Variants in EIF2B3 observed in about 807,000 individuals in gnomAD.
The protein encoded by EIF2B3 is eukaryotic translation initiation factor 2B subunit gamma.
In EIF2B3, 20 loss-of-function variants were observed where a neutral mutation model predicts 54.1. That is an observed-to-expected ratio of 0.37 (90% CI 0.26 to 0.54). The LOEUF is 0.54. EIF2B3 is among the 20% of genes least tolerant of loss of function. EIF2B3 has a pLI of 0.86. For missense variants in EIF2B3, 448 were observed against 547.8 expected (o/e 0.82, Z 1.82); for synonymous variants, 153 against 188.1 (o/e 0.81, Z 1.52).
intron 5 of EIF2B3, among the ~76,000 whole-genome samples, chr1:44,916,987 C>T (rs1465990386): frequency 6.6e-6 from 1 of 151,872 alleles, no homozygotes; most frequent in Non-Finnish European, 1.5e-5. Flanking sequence ...TTCTCGAGTT[C>T]CACTTGCTTT....
chr1:44,863,276 C>T (rs958533007), intron 10 of EIF2B3: 2 of 152,146 alleles, frequency 1.3e-5, no homozygotes, highest in Non-Finnish European at 2.9e-5. Context: ...GCTGAGTCAC[C>T]CATAATCTCT....
At chr1:44,853,747 T>G (rs1276475513) in intron 11 of EIF2B3, among the ~76,000 whole-genome samples, 2 of 152,088 alleles carry the variant, frequency 1.3e-5, no homozygotes, top group African/African-American at 4.8e-5. Flanking sequence ...GGATGATAAG[T>G]TGGGAAAATA....
chr1:44,877,208 A>AAAC (rs1557666527), intron 8 of EIF2B3, among the ~76,000 whole-genome samples: 10 of 148,380 alleles, frequency 6.7e-5, no homozygotes, highest in Admixed American at 4.0e-4. Flanking sequence ...AAAAAAAAAA[A>AAAC]AAAAAAAAAA....
intron 3 of EIF2B3, chr1:44,959,543 TA>T (rs1346776152): frequency 1.7e-5 from 3 of 177,142 alleles, no homozygotes; most frequent in Non-Finnish European, 2.4e-5. Context: ...ACCCTATTTC[TA>T]AAAAACGTAA....
chr1:44,942,444 T>TCC (rs763491473), intron 3 of EIF2B3, among the ~76,000 whole-genome samples: 1,314 of 88,600 alleles, frequency 0.015, 77 homozygotes, highest in Non-Finnish European at 0.023. Flanking sequence ...TTTTTTTTTT[T>TCC]CCAGACAGGG....
chr1:44,903,882 T>C (rs1419238128), intron 5 of EIF2B3, among the ~76,000 whole-genome samples: 2 of 152,162 alleles, frequency 1.3e-5, no homozygotes, highest in Non-Finnish European at 2.9e-5. Context: ...GAGACCAGCC[T>C]GGCCAACATG....
chr1:44,958,505 C>T (rs1009879512), intron 3 of EIF2B3: 91 of 1,017,346 alleles, frequency 8.9e-5, no homozygotes, highest in African/African-American at 1.9e-4. Context: ...ATGATTACTG[C>T]GTTTTTCTTT....
At chr1:44,970,173 A>G (rs1644385575) in intron 3 of EIF2B3, 1 of 152,232 alleles carries the variant, frequency 6.6e-6, no homozygotes, top group East Asian at 1.9e-4. Flanking sequence ...AAAAAACATA[A>G]CTTAGCAAAT....
chr1:44,881,403 AT>A lies in EIF2B3; in HGVS notation c.784+208del, dbSNP rs975960232. On this transcript the variant is annotated intron_variant, in intron 7 of 11. Coordinates refer to ENST00000360403, the MANE Select transcript of EIF2B3 (RefSeq NM_020365.5). This position sits in a 1 kb window ranked among gnomAD's most constrained non-coding sequence, Gnocchi z 4.0. The stretch of plus-strand genomic sequence containing the variant: ...ATCAGAGAATGGGGCTGGAGGCATG[AT>A]TAGCCTGTTGCCGAGAGCACAGTGG... Among the ~76,000 whole-genome samples the A allele has an allele frequency of 1.3e-5, 2 of 152,216 alleles. No homozygotes were observed. Among genetic ancestry groups the A allele is most frequent in the Non-Finnish European group, 2.9e-5 (2 of 68,028 alleles).
intron 3 of EIF2B3, among the ~76,000 whole-genome samples, chr1:44,977,794 T>C (rs182004483): frequency 4.8e-4 from 73 of 152,278 alleles, no homozygotes; most frequent in Admixed American, 5.9e-4. Context: ...TTAATAAAAA[T>C]GTGCTATTAC....
chr1:44,977,276 G>T (rs1644462064), intron 3 of EIF2B3, among the ~76,000 whole-genome samples: 1 of 152,128 alleles, frequency 6.6e-6, no homozygotes, highest in Non-Finnish European at 1.5e-5. Context: ...GTGCTCCTTA[G>T]TTTCTTAACC....
intron 3 of EIF2B3, among the ~76,000 whole-genome samples, chr1:44,952,954 C>T (rs1644183731): frequency 6.6e-6 from 1 of 152,204 alleles, no homozygotes; most frequent in Non-Finnish European, 1.5e-5. Flanking sequence ...TTGTTTTACT[C>T]ACTGTTCATC....
Position 44,922,277 on chromosome 1 carries a change from T to C in EIF2B3, c.566+4351A>G, listed in dbSNP as rs1467248645. 6.6e-5 allele frequency among the ~76,000 whole-genome samples: 10 copies of C among 151,316 alleles called. No individual in the cohort carries two copies. The East Asian group carries it at 2.0e-3, about 30-fold the overall frequency. ...GTGAAGAATGTCATTGGTATTTTGA[T>C]AGGGATTGCATAAAATCTATAGATT... On this transcript the variant is annotated intron_variant, in intron 5 of 11. Transcript: ENST00000360403.
At chr1:44,907,890 CAAAAAAAA>C (rs71587071) in intron 5 of EIF2B3, among the ~76,000 whole-genome samples, 1 of 47,070 alleles carries the variant, frequency 2.1e-5, no homozygotes, top group Non-Finnish European at 4.3e-5. Flanking sequence ...AACTCCATCT[CAAAAAAAA>C]AAAAAAAAAA....
At chr1:44,903,549 G>A (rs1302274754) in intron 5 of EIF2B3, among the ~76,000 whole-genome samples, 1 of 152,230 alleles carries the variant, frequency 6.6e-6, no homozygotes, top group Admixed American at 6.5e-5. Context: ...ATTGTACAAT[G>A]CTTAGTTCCT....
At chr1:44,889,503 C>T (rs1655724431) in intron 6 of EIF2B3, among the ~76,000 whole-genome samples, 1 of 151,466 alleles carries the variant, frequency 6.6e-6, no homozygotes, top group Non-Finnish European at 1.5e-5. Flanking sequence ...TGCCACTGTA[C>T]TCCAGCCTGG....
chr1:44,947,178 G>C (rs1405284283), intron 3 of EIF2B3, among the ~76,000 whole-genome samples: 1 of 152,182 alleles, frequency 6.6e-6, no homozygotes, highest in Non-Finnish European at 1.5e-5. Flanking sequence ...AGAGAAGCCA[G>C]GGCAATGTCA....
At chr1:44,935,369 CAA>C (rs992113238) in intron 4 of EIF2B3, among the ~76,000 whole-genome samples, 6 of 152,026 alleles carry the variant, frequency 3.9e-5, no homozygotes, top group African/African-American at 1.5e-4. Flanking sequence ...GGATGGAAAA[CAA>C]ATTATTTTTA....
chr1:44,945,047 A>T (rs1379161135), intron 3 of EIF2B3, among the ~76,000 whole-genome samples: 1 of 152,164 alleles, frequency 6.6e-6, no homozygotes, highest in Non-Finnish European at 1.5e-5. Context: ...CTCAACCATC[A>T]GAATGCCTTA....
Sources: allele counts gnomAD v4.1 joint callset (sites outside exome capture counted in the v4.1 genomes callset), GRCh38; gene constraint gnomAD v4.1.1; non-coding constraint Gnocchi (gnomAD v3.1); transcripts MANE v1.5; gene names NCBI Gene and HGNC (gene_info 2026-07-23, HGNC 2026-07-21).